Variants in SPOCK2 observed in about 807,000 individuals in gnomAD.
The protein encoded by SPOCK2 is SPARC (osteonectin), cwcv and kazal like domains proteoglycan 2.
Under a neutral mutation model 60.1 loss-of-function variants are expected in SPOCK2, and 39 were observed. The observed-to-expected ratio is 0.65, with a 90% confidence interval of 0.50 to 0.85. The LOEUF (loss-of-function observed/expected upper bound fraction) is 0.85, where lower values mean the gene tolerates loss of function less well. Among genes scored for constraint, SPOCK2 ranks in the 40% least tolerant of loss-of-function variants. SPOCK2 has a pLI of 0.00. For missense variants in SPOCK2, 523 were observed against 567.4 expected, an observed-to-expected ratio of 0.92 and a Z score of 0.80; for synonymous variants, 217 against 231.5, an observed-to-expected ratio of 0.94 and a Z score of 0.57.
At chr10:72,075,566 G>A (rs1029079885) in intron 1 of SPOCK2, among the ~76,000 whole-genome samples, 2 of 152,202 alleles carry the variant, frequency 1.3e-5, no homozygotes. Flanking sequence ...CAAAGGTCAA[G>A]ACCAAGAATT....
At chr10:72,068,436 T>C in intron 5 of SPOCK2, 135 bp from the exon 6 acceptor site, 2 of 859,332 alleles carry the variant, frequency 2.3e-6, no homozygotes, top group Non-Finnish European at 3.5e-6. Flanking sequence ...GCCTGAAGGG[T>C]CCTCTTGGTT....
chr10:72,080,642 G>C (rs981679139), intron 1 of SPOCK2, among the ~76,000 whole-genome samples: 1 of 152,106 alleles, frequency 6.6e-6, no homozygotes, highest in South Asian at 2.1e-4. Flanking sequence ...AGAGGGGCCA[G>C]TCATTAAATA....
intron 1 of SPOCK2, among the ~76,000 whole-genome samples, chr10:72,078,728 C>T (rs1291479154): frequency 6.6e-6 from 1 of 152,102 alleles, no homozygotes; most frequent in Non-Finnish European, 1.5e-5. Flanking sequence ...ATCCAGAATG[C>T]AAGTTCACAT....
At chr10:72,083,334 G>T (rs887768705) in intron 1 of SPOCK2, among the ~76,000 whole-genome samples, 4 of 152,240 alleles carry the variant, frequency 2.6e-5, no homozygotes, top group South Asian at 2.1e-4. Flanking sequence ...GTGACAGCAT[G>T]CTAAAGCCTC....
intron 1 of SPOCK2, among the ~76,000 whole-genome samples, chr10:72,076,115 G>A (rs1589122982): frequency 6.6e-6 from 1 of 152,126 alleles, no homozygotes; most frequent in East Asian, 1.9e-4. Flanking sequence ...AGAGGGAGAG[G>A]CCACCATGGG....
chr10:72,087,084 T>C lies in SPOCK2; in HGVS notation c.189+1056A>G. On this transcript the variant is annotated intron_variant, in intron 1 of 10. Coordinates refer to ENST00000373109, the MANE Select transcript of SPOCK2 (RefSeq NM_001244950.2). This position sits in a 1 kb window ranked among gnomAD's most constrained non-coding sequence, Gnocchi z 4.7. ...ACCAGGTCGCCAGGAGCAGCCGGCG[T>C]CGCCTCTGGCGCATCCGGGCCCATC... 1.4e-6 allele frequency: 2 copies of C among 1,419,840 alleles called. No homozygotes were observed. The highest frequency in any genetic ancestry group is 2.7e-5 in the South Asian group (2 of 72,884). The allele number at this position is 1,419,840 out of a possible 1,614,324, so 88.0% of individuals were successfully genotyped here.
chr10:72,087,517 G>A lies in SPOCK2; in HGVS notation c.189+623C>T, dbSNP rs1840877049. On this transcript the variant is annotated intron_variant, in intron 1 of 10. Coordinates refer to ENST00000373109, the MANE Select transcript of SPOCK2 (RefSeq NM_001244950.2). This position sits in a 1 kb window ranked among gnomAD's most constrained non-coding sequence, Gnocchi z 4.7. The stretch of plus-strand genomic sequence containing the variant: ...GGGTCCTCGCGCGCCCTTCTGCACG[G>A]GGACCCCAGCCCACCCCCGTACGGA... Among the ~76,000 whole-genome samples the A allele has an allele frequency of 6.6e-6, 1 of 152,164 alleles. No individual in the cohort carries two copies. The highest frequency in any genetic ancestry group is 2.4e-5 in the African/African-American group (1 of 41,440).
At chr10:72,078,404 G>A (rs927245796) in intron 1 of SPOCK2, among the ~76,000 whole-genome samples, 1 of 151,834 alleles carries the variant, frequency 6.6e-6, no homozygotes, top group Non-Finnish European at 1.5e-5. Context: ...CCAGCTACTC[G>A]GGAGGCTGAG....
rs182707592 is a variant in SPOCK2 at position 72,065,082 on chromosome 10, C to A, written c.929-842G>T. 5.0e-3 allele frequency among the ~76,000 whole-genome samples: 627 copies of A among 124,594 alleles called. 144 individuals carry two copies. Among genetic ancestry groups the A allele is most frequent in the East Asian group, 0.016 (80 of 4,882 alleles). The allele number at this position is 124,594 out of a possible 152,430, so 81.7% of individuals were successfully genotyped here. ...TAAATTTTTGCTCTCGTCGCCCAGG[C>A]TGGAGTGCAACGGCACGATCTTGGC... On this transcript the variant is annotated intron_variant, in intron 8 of 10. Transcript: ENST00000373109.
At chr10:72,078,729 A>T (rs1217888025) in intron 1 of SPOCK2, among the ~76,000 whole-genome samples, 1 of 152,056 alleles carries the variant, frequency 6.6e-6, no homozygotes, top group African/African-American at 2.4e-5. Flanking sequence ...TCCAGAATGC[A>T]AGTTCACATC....
At position 72,070,410 on chromosome 10, in the gene SPOCK2, C is replaced by G. The variant is rs778902766; in HGVS notation, c.376G>C (p.Val126Leu). The change falls in exon 5 of 11, where the codon GTG becomes CTG. Residue 126 changes from valine (V) to leucine (L), a missense_variant. Val to Leu is a conservative substitution (Grantham distance 32, BLOSUM62 1). Transcript: ENST00000373109. ...GAGTCTTTGTTTCCATGGAGTTTCA[C>G]GGTCGGCTGCTTGATCCTACAGGAG... The part of the protein sequence containing the change: ...KLEHRIKQPT[V>L]KLHGNKDSIC... The G allele has an allele frequency of 2.5e-6, 4 of 1,613,988 alleles. No homozygotes were observed. The African/African-American group carries it at 4.0e-5, about 16-fold the overall frequency.
rs1840868597 is a variant in SPOCK2 at position 72,087,079 on chromosome 10, C to T, written c.189+1061G>A. The T allele has an allele frequency of 1.4e-6, 2 of 1,442,684 alleles. No homozygotes were observed. The allele number at this position is 1,442,684 out of a possible 1,614,324, so 89.4% of individuals were successfully genotyped here. On this transcript the variant is annotated intron_variant, in intron 1 of 10. Transcript: ENST00000373109. The surrounding 1 kb of genome is among the most constrained non-coding windows in gnomAD (Gnocchi z 4.7). ...TGAGCACCAGGTCGCCAGGAGCAGC[C>T]GGCGTCGCCTCTGGCGCATCCGGGC...
chr10:72,087,672 T>C lies in SPOCK2; in HGVS notation c.189+468A>G, dbSNP rs1840879927. Among the ~76,000 whole-genome samples the C allele has an allele frequency of 6.6e-6, 1 of 152,178 alleles. No individual in the cohort carries two copies. Among genetic ancestry groups the C allele is most frequent in the African/African-American group, 2.4e-5 (1 of 41,452 alleles). On this transcript the variant is annotated intron_variant, in intron 1 of 10. Transcript: ENST00000373109. This position sits in a 1 kb window ranked among gnomAD's most constrained non-coding sequence, Gnocchi z 4.7. ...GAACAGAGGGCACCGCGCGAGCCGA[T>C]GCCACCCTCACTGCCGGCCCCACCC... is the stretch of plus-strand genomic sequence containing the variant.
Position 72,068,236 on chromosome 10 carries a change from G to A in SPOCK2, c.540C>T (p.Cys180=), listed in dbSNP as rs141083355. The stretch of plus-strand genomic sequence containing the variant: ...TGGCAGCCTGCTCCGTGGGGCAGGG[G>A]CAGGGGCCCTCGCATCGCACCGCCA... ...KQLAVRCEGP[C]PCPTEQAATS... is the part of the protein sequence containing the mutation. The change falls in exon 6 of 11, where the codon TGC becomes TGT. Residue 180 remains cysteine, a synonymous_variant. Coordinates refer to ENST00000373109, the MANE Select transcript of SPOCK2 (RefSeq NM_001244950.2). 1.1e-5 allele frequency: 17 copies of A among 1,611,682 alleles called. No individual in the cohort carries two copies. In the African/African-American group the frequency reaches 1.9e-4, roughly 18 times the overall value.
At position 72,088,347 on chromosome 10, in the gene SPOCK2, T is replaced by TG. The variant is rs10713496; in HGVS notation, c.-20dup. On this transcript the variant is annotated 5_prime_UTR_variant, in exon 1 of 11. Coordinates refer to ENST00000373109, the MANE Select transcript of SPOCK2 (RefSeq NM_001244950.2). Reference sequence around the variant, plus strand: ...CGCGCATCGTGGTCTGGGTTCGACCTGGGGGGGTCTTGACTTCTGCAGTAT... The same window carrying TG: ...CGCGCATCGTGGTCTGGGTTCGACCTGGGGGGGGTCTTGACTTCTGCAGTAT... 18 of 1,530,516 alleles carry TG rather than the reference T, an allele frequency of 1.2e-5. No individual in the cohort carries two copies. The highest frequency in any genetic ancestry group is 7.4e-5 in the South Asian group (6 of 81,162). The allele number at this position is 1,530,516 out of a possible 1,614,324, so 94.8% of individuals were successfully genotyped here.
At position 72,087,763 on chromosome 10, in the gene SPOCK2, CG is replaced by C. The variant is rs1325197445; in HGVS notation, c.189+376del. Among the ~76,000 whole-genome samples the C allele has an allele frequency of 1.3e-5, 2 of 152,174 alleles. No homozygotes were observed. Among genetic ancestry groups the C allele is most frequent in the Non-Finnish European group, 2.9e-5 (2 of 68,024 alleles). ...AGCATCCCAGCGGCTGGGGCAGGCCCGGGGGCGGCTCGCACAACGCAGCTGG... is the reference window on the plus strand; with the variant it reads ...AGCATCCCAGCGGCTGGGGCAGGCCCGGGGCGGCTCGCACAACGCAGCTGG... On this transcript the variant is annotated intron_variant, in intron 1 of 10. Coordinates refer to ENST00000373109, the MANE Select transcript of SPOCK2 (RefSeq NM_001244950.2). This position sits in a 1 kb window ranked among gnomAD's most constrained non-coding sequence, Gnocchi z 4.7.
In SPOCK2 at chr10:72,067,119, C is replaced by A; in HGVS notation, c.711G>T (p.Gly237=). 6.2e-7 allele frequency: 1 copy of A among 1,613,184 alleles called. No homozygotes were observed. Residue 237 remains glycine, a splice_region_variant and synonymous_variant, in exon 8 of 11, where the codon GGG becomes GGT. Coordinates refer to ENST00000373109, the MANE Select transcript of SPOCK2 (RefSeq NM_001244950.2). ...SASSVAGPAS[G]LDKSLGASCK... ...AGCTGGCCCCCAGGCTCTTGTCCAG[C>A]CCTGGGAAAAGATCAGGTTCAGGCA...
At chr10:72,072,348 G>C (rs1840658941) in intron 3 of SPOCK2, 90 bp from the exon 4 acceptor site, 2 of 1,457,588 alleles carry the variant, frequency 1.4e-6, no homozygotes, top group Non-Finnish European at 1.8e-6. Flanking sequence ...TCTCCCTCCA[G>C]CAGCCCTTGA....
At position 72,062,743 on chromosome 10, in the gene SPOCK2, C is replaced by A. The variant is rs764131001; in HGVS notation, c.*17G>T. On this transcript the variant is annotated 3_prime_UTR_variant, in exon 11 of 11. Transcript: ENST00000373109. This position sits in a 1 kb window ranked among gnomAD's most constrained non-coding sequence, Gnocchi z 4.3. Reference sequence around the variant, plus strand: ...TCTGCTGTTGAGTCCCCCCCGGCAGCCGGCTCCTGAGGGCGTCTACCAGAT... The same window carrying A: ...TCTGCTGTTGAGTCCCCCCCGGCAGACGGCTCCTGAGGGCGTCTACCAGAT... The A allele has an allele frequency of 1.3e-5, 21 of 1,590,776 alleles. No homozygotes were observed. Among genetic ancestry groups the A allele is most frequent in the Non-Finnish European group, 1.6e-5 (19 of 1,174,858 alleles).
Sources: allele counts gnomAD v4.1 joint callset (sites outside exome capture counted in the v4.1 genomes callset), GRCh38; gene constraint gnomAD v4.1.1; non-coding constraint Gnocchi (gnomAD v3.1); transcripts MANE v1.5; gene names NCBI Gene and HGNC (gene_info 2026-07-23, HGNC 2026-07-21).